The following RAPGEF5 variants were observed in gnomAD, a reference collection of about 807,000 sequenced individuals.
RAPGEF5 encodes M-Ras-regulated GEF.
A neutral mutation model predicts 125.2 loss-of-function variants in RAPGEF5; 65 were observed. The observed-to-expected ratio is 0.52, with a 90% CI of 0.43 to 0.64. The LOEUF (loss-of-function observed/expected upper bound fraction) is 0.64, where lower values mean the gene tolerates loss of function less well. Among genes scored for constraint, RAPGEF5 ranks in the 30% least tolerant of loss-of-function variants. The pLI is 0.00. For synonymous variants in RAPGEF5, 391 were observed against 385.9 expected (o/e 1.01, Z -0.16); for missense variants, 958 against 1,048.1 (o/e 0.91, Z 1.19).
intron 1 of RAPGEF5, among the ~76,000 whole-genome samples, chr7:22,333,191 ATCT>A (rs1783955257): frequency 6.6e-6 from 1 of 152,188 alleles, no homozygotes; most frequent in African/African-American, 2.4e-5. Flanking sequence ...GAGTCTTCAG[ATCT>A]TCAGTAGATA....
At chr7:22,315,704 G>A (rs1783574997) in intron 2 of RAPGEF5, among the ~76,000 whole-genome samples, 1 of 151,854 alleles carries the variant, frequency 6.6e-6, no homozygotes, top group Admixed American at 6.6e-5. Context: ...CTGCTAAGCT[G>A]TAACTATTCT....
At chr7:22,234,325 CT>C (rs1288413120) in intron 7 of RAPGEF5, among the ~76,000 whole-genome samples, 1 of 152,080 alleles carries the variant, frequency 6.6e-6, no homozygotes, top group African/African-American at 2.4e-5. Context: ...TTCAATTTTT[CT>C]TTTATCTGAT....
At chr7:22,274,080 C>T (rs1008845414) in intron 6 of RAPGEF5, among the ~76,000 whole-genome samples, 1 of 152,144 alleles carries the variant, frequency 6.6e-6, no homozygotes, top group African/African-American at 2.4e-5. Flanking sequence ...CAGGTTTTCT[C>T]CTTCCTCTCT....
intron 17 of RAPGEF5, 69 bp from the exon 18 acceptor site, chr7:22,150,573 C>G: frequency 6.7e-7 from 1 of 1,492,634 alleles, no homozygotes; most frequent in Non-Finnish European, 8.8e-7. Flanking sequence ...TAGGCCTACA[C>G]AGTACACTTA....
chr7:22,324,986 T>A (rs1276703029), intron 1 of RAPGEF5, among the ~76,000 whole-genome samples: 1 of 152,166 alleles, frequency 6.6e-6, no homozygotes, highest in Non-Finnish European at 1.5e-5. Context: ...GCCAGGCAGG[T>A]TGTCTCCTTT....
At chr7:22,172,694 C>T (rs1273978809) in intron 11 of RAPGEF5, among the ~76,000 whole-genome samples, 2 of 152,034 alleles carry the variant, frequency 1.3e-5, no homozygotes, top group Non-Finnish European at 2.9e-5. Flanking sequence ...AAAAACTGAT[C>T]CAAATGTTAC....
chr7:22,251,039 G>T (rs1175458775), intron 7 of RAPGEF5, among the ~76,000 whole-genome samples: 8 of 152,070 alleles, frequency 5.3e-5, no homozygotes, highest in Non-Finnish European at 7.4e-5. Context: ...TATAAGAATA[G>T]CATATGGCAA....
chr7:22,140,038 G>T lies in RAPGEF5; in HGVS notation c.2264C>A (p.Ser755Ter). Residue 755 changes from serine to a stop codon, truncating the protein, a stop_gained, in exon 21 of 26, where the codon TCG becomes TAG. Transcript: ENST00000665637. LOFTEE classifies it high-confidence loss of function. ...TCCAAGGCTCACCTCCCAGGTCTGC[G>T]ACAGTCGACTGACAGAAGCAGTGTT... ...GLNTASVSRL[S>*]QTWEKIPGKF... is the part of the protein sequence containing the mutation. 6.4e-7 allele frequency: 1 copy of T among 1,566,070 alleles called. No homozygotes were observed. The highest frequency in any genetic ancestry group is 2.4e-5 in the East Asian group (1 of 42,084).
intron 5 of RAPGEF5, among the ~76,000 whole-genome samples, chr7:22,294,416 G>A (rs1381655441): frequency 6.6e-6 from 1 of 152,122 alleles, no homozygotes; most frequent in African/African-American, 2.4e-5. Context: ...TGGTGCTCTA[G>A]GCAGATGTCT....
At chr7:22,215,413 T>G (rs553739014) in intron 9 of RAPGEF5, among the ~76,000 whole-genome samples, 1 of 152,344 alleles carries the variant, frequency 6.6e-6, no homozygotes, top group Non-Finnish European at 1.5e-5. Context: ...TTCTCAGGTG[T>G]AAATTCTTCT....
intron 16 of RAPGEF5, among the ~76,000 whole-genome samples, chr7:22,156,512 G>T (rs1211189028): frequency 1.3e-5 from 2 of 152,212 alleles, no homozygotes; most frequent in African/African-American, 4.8e-5. Context: ...GGAGGAAAAG[G>T]CTGAGTCTCC....
At chr7:22,263,276 A>C (rs1315533399) in intron 7 of RAPGEF5, among the ~76,000 whole-genome samples, 4 of 152,200 alleles carry the variant, frequency 2.6e-5, no homozygotes, top group African/African-American at 4.8e-5. Flanking sequence ...AAATGTTATC[A>C]TTGGGGTAAT....
At chr7:22,149,170 C>T (rs546116035) in intron 18 of RAPGEF5, among the ~76,000 whole-genome samples, 1 of 152,154 alleles carries the variant, frequency 6.6e-6, no homozygotes, top group African/African-American at 2.4e-5. Flanking sequence ...AACGAGATAC[C>T]GTATGTAAAT....
chr7:22,137,927 T>G (rs538116931), intron 21 of RAPGEF5, among the ~76,000 whole-genome samples: 3 of 152,058 alleles, frequency 2.0e-5, no homozygotes, highest in Non-Finnish European at 2.9e-5. Flanking sequence ...TATTTAGAGA[T>G]AGATTTTTTT....
chr7:22,286,707 T>A (rs986315273), intron 6 of RAPGEF5, among the ~76,000 whole-genome samples: 1 of 152,212 alleles, frequency 6.6e-6, no homozygotes, highest in African/African-American at 2.4e-5. Flanking sequence ...TTGAAAGTAA[T>A]ACATAATTCA....
At chr7:22,195,107 C>A (rs1288058362) in intron 9 of RAPGEF5, among the ~76,000 whole-genome samples, 1 of 152,200 alleles carries the variant, frequency 6.6e-6, no homozygotes, top group East Asian at 1.9e-4. Context: ...GTGCTTAGGG[C>A]TCCTAGCACG....
rs1191444557 is a variant in RAPGEF5 at position 22,200,528 on chromosome 7, TATTAAG to T, written c.997-6501_997-6496del. Among the ~76,000 whole-genome samples the T allele has an allele frequency of 2.0e-5, 3 of 152,274 alleles. No homozygotes were observed. In the South Asian group the frequency reaches 6.2e-4, roughly 32 times the overall value. ...TCTTTCCTTTTTTTAATCCCACACA[TATTAAG>T]ATTAATAACTCTAATGAAAGCCCAA... On this transcript the variant is annotated intron_variant, in intron 9 of 25. Transcript: ENST00000665637.
intron 1 of RAPGEF5, among the ~76,000 whole-genome samples, chr7:22,348,936 A>T (rs1784277800): frequency 6.6e-6 from 1 of 151,230 alleles, no homozygotes; most frequent in Admixed American, 6.6e-5. Context: ...AAAATACAAA[A>T]ATTAGCCAGG....
chr7:22,355,892 C>G (rs146398810), intron 1 of RAPGEF5: 1 of 923,642 alleles, frequency 1.1e-6, no homozygotes, highest in African/African-American at 1.8e-5. Context: ...AAAATTACAG[C>G]CAAACGGGAA....
Sources: gnomAD v4.1 joint callset for allele counts (sites outside exome capture counted in the v4.1 genomes callset) on GRCh38, gnomAD v4.1.1 for gene constraint, MANE v1.5 for transcripts, NCBI Gene and HGNC (gene_info 2026-07-23, HGNC 2026-07-21) for gene names.